The following AHI1 variants were observed in gnomAD, a reference collection of about 807,000 sequenced individuals.
AHI1 encodes Abelson helper integration site 1, also known as jouberin.
In AHI1, 123 loss-of-function variants were observed where a neutral mutation model predicts 149.3. The observed-to-expected ratio is 0.82, with a 90% CI of 0.71 to 0.96. AHI1 has a LOEUF of 0.96. Among genes scored for constraint, AHI1 ranks in the 40% least tolerant of loss-of-function variants. The probability of loss-of-function intolerance (pLI) is 0.00; values close to 1 mark genes in which losing one functional copy is unlikely to be tolerated. For synonymous variants in AHI1, 475 were observed against 459.8 expected, an observed-to-expected ratio of 1.03 and a Z score of -0.42; for missense variants, 1,439 against 1,422.7, an observed-to-expected ratio of 1.01 and a Z score of -0.18.
In AHI1 at chr6:135,457,655, A is replaced by G. The variant is rs376654503; in HGVS notation, c.990T>C (p.Asp330=). 8.9e-5 allele frequency: 143 copies of G among 1,613,980 alleles called. No individual in the cohort carries two copies. The African/African-American group carries it at 1.7e-3, about 19-fold the overall frequency. Residue 330 remains aspartate (D), a synonymous_variant, in exon 9 of 29, where the codon GAT becomes GAC. Transcript: ENST00000265602. Reference sequence around the variant, plus strand: ...GCAAACATTTGGGATAAACCGGGCTATCTCGGCTTGTTATTTCATGAACAC... The same window carrying G: ...GCAAACATTTGGGATAAACCGGGCTGTCTCGGCTTGTTATTTCATGAACAC... ...GDGVHEITSR[D]SPVYPKCLLD... is the part of the protein sequence containing the mutation.
chr6:135,433,871 T>C (rs1183207864), intron 15 of AHI1, among the ~76,000 whole-genome samples: 2 of 152,018 alleles, frequency 1.3e-5, no homozygotes, highest in Admixed American at 6.5e-5. Context: ...GTTCTTTTTG[T>C]TTAACACTCA....
intron 27 of AHI1, among the ~76,000 whole-genome samples, chr6:135,293,392 C>CAAAAAAAAAAAAAA (rs1175955601): frequency 6.0e-4 from 12 of 20,098 alleles, no homozygotes; most frequent in African/African-American, 2.6e-3. Flanking sequence ...GTTAACAGGG[C>CAAAAAAAAAAAAAA]AAAAAAAAAA....
At chr6:135,363,700 G>A (rs867925273) in intron 23 of AHI1, among the ~76,000 whole-genome samples, 36 of 142,086 alleles carry the variant, frequency 2.5e-4, no homozygotes, top group Non-Finnish European at 3.1e-4. Flanking sequence ...CCTCCCTCCC[G>A]GACGGGGCGG....
At chr6:135,302,931 G>C in intron 26 of AHI1, 1 of 655,262 alleles carries the variant, frequency 1.5e-6, no homozygotes, top group Non-Finnish European at 2.2e-6. Context: ...TTGTTAGAAA[G>C]TTGTTTTATG....
At chr6:135,414,755 T>C (rs1782094776) in intron 20 of AHI1, among the ~76,000 whole-genome samples, 1 of 152,094 alleles carries the variant, frequency 6.6e-6, no homozygotes, top group Non-Finnish European at 1.5e-5. Context: ...GCATGTATAT[T>C]AGAATGGCTA....
intron 5 of AHI1, among the ~76,000 whole-genome samples, chr6:135,488,972 C>A (rs1265259046): frequency 6.6e-6 from 1 of 152,076 alleles, no homozygotes; most frequent in Non-Finnish European, 1.5e-5. Flanking sequence ...AGAAATAAAA[C>A]CCTGTAATTT....
At chr6:135,366,732 A>G (rs1774240977) in intron 23 of AHI1, among the ~76,000 whole-genome samples, 1 of 152,152 alleles carries the variant, frequency 6.6e-6, no homozygotes, top group Admixed American at 6.5e-5. Flanking sequence ...TTTTCAAAGA[A>G]CCAGCTTTTC....
intron 24 of AHI1, among the ~76,000 whole-genome samples, chr6:135,332,721 A>G (rs1788790267): frequency 6.6e-6 from 1 of 152,232 alleles, no homozygotes; most frequent in Non-Finnish European, 1.5e-5. Context: ...CTTGACAACA[A>G]AAAGTAACCT....
intron 24 of AHI1, among the ~76,000 whole-genome samples, chr6:135,328,316 G>C (rs913947662): frequency 2.6e-5 from 4 of 152,164 alleles, no homozygotes; most frequent in Non-Finnish European, 5.9e-5. Context: ...ACCCTGCATT[G>C]AGCAAGTCTA....
intron 23 of AHI1, among the ~76,000 whole-genome samples, chr6:135,394,093 G>C (rs1778887852): frequency 6.6e-6 from 1 of 151,920 alleles, no homozygotes; most frequent in Admixed American, 6.6e-5. Context: ...TTTTGTAAAA[G>C]ATAATTGTTA....
At chr6:135,377,789 A>G (rs745712736) in intron 23 of AHI1, among the ~76,000 whole-genome samples, 1 of 152,042 alleles carries the variant, frequency 6.6e-6, no homozygotes, top group Non-Finnish European at 1.5e-5. Flanking sequence ...TTCTTATTTT[A>G]AAAATGTCTC....
chr6:135,318,029 G>T (rs1185720417), intron 26 of AHI1, among the ~76,000 whole-genome samples: 1 of 152,178 alleles, frequency 6.6e-6, no homozygotes, highest in African/African-American at 2.4e-5. Context: ...TAAAATACAT[G>T]ACATTTCTCT....
At chr6:135,374,504 A>G (rs1775611140) in intron 23 of AHI1, among the ~76,000 whole-genome samples, 1 of 152,140 alleles carries the variant, frequency 6.6e-6, no homozygotes, top group Admixed American at 6.5e-5. Flanking sequence ...TGTTTTGCAG[A>G]TAATATAATT....
In AHI1 at chr6:135,429,953, C is replaced by T. The variant is rs864622356; in HGVS notation, c.2421G>A (p.Glu807=). 1 of 1,586,476 alleles carries T rather than the reference C, an allele frequency of 6.3e-7. No homozygotes were observed. Among genetic ancestry groups the T allele is most frequent in the Admixed American group, 1.7e-5 (1 of 57,692 alleles). Residue 807 remains glutamate, a synonymous_variant, in exon 18 of 29, where the codon GAG becomes GAA. Transcript: ENST00000265602. The stretch of plus-strand genomic sequence containing the variant: ...ACAAACGTTTTCCATTGGGATGAAT[C>T]TCCAAATAACTTATTGGAATTCCCT... The part of the protein sequence containing the change: ...EFKGIPISYL[E]IHPNGKRLLI...
chr6:135,353,779 A>T (rs1269762910), intron 24 of AHI1, among the ~76,000 whole-genome samples: 1 of 152,132 alleles, frequency 6.6e-6, no homozygotes. Flanking sequence ...CAAACATCTC[A>T]GAAATATTTC....
At chr6:135,387,240 G>T (rs866951077) in intron 23 of AHI1, among the ~76,000 whole-genome samples, 1 of 152,128 alleles carries the variant, frequency 6.6e-6, no homozygotes, top group African/African-American at 2.4e-5. Flanking sequence ...ATTATATGAA[G>T]TATCTCAAGA....
At chr6:135,409,962 T>C (rs1781350301) in intron 21 of AHI1, among the ~76,000 whole-genome samples, 1 of 152,218 alleles carries the variant, frequency 6.6e-6, no homozygotes, top group African/African-American at 2.4e-5. Context: ...TCTTCTCTCA[T>C]TATCAACAAT....
At chr6:135,490,204 C>A in intron 5 of AHI1, 1 of 725,408 alleles carries the variant, frequency 1.4e-6, no homozygotes, top group Non-Finnish European at 2.6e-6. Flanking sequence ...TATTACCATA[C>A]GGCCATTGAT....
chr6:135,324,359 T>C (rs1380716652), intron 24 of AHI1, among the ~76,000 whole-genome samples: 2 of 151,522 alleles, frequency 1.3e-5, no homozygotes, highest in African/African-American at 4.9e-5. Flanking sequence ...AAATCCCTTA[T>C]AGTAGTTAAA....
Sources: gnomAD v4.1 joint callset for allele counts (sites outside exome capture counted in the v4.1 genomes callset) on GRCh38, gnomAD v4.1.1 for gene constraint, MANE v1.5 for transcripts, NCBI Gene and HGNC (gene_info 2026-07-23, HGNC 2026-07-21) for gene names.